Variants in SLC2A9 observed in about 807,000 individuals in gnomAD.
SLC2A9 encodes solute carrier family 2, facilitated glucose transporter member 9.
Under a neutral mutation model 50.6 loss-of-function variants are expected in SLC2A9, and 39 were observed. That is an observed-to-expected ratio of 0.77 (90% confidence interval 0.60 to 1.01). SLC2A9 has a LOEUF of 1.01. Ranked by LOEUF, SLC2A9 falls within the 50% of genes least tolerant of loss-of-function variation. The pLI is 0.00. For missense variants in SLC2A9, 686 were observed against 677.6 expected, an observed-to-expected ratio of 1.01 and a Z score of -0.14; for synonymous variants, 324 against 276.9, an observed-to-expected ratio of 1.17 and a Z score of -1.69.
In SLC2A9 at chr4:9,771,217, G is replaced by C. The variant is rs140082110; in HGVS notation, n.334C>G. 1.8e-3 allele frequency: 623 copies of C among 348,740 alleles called. 11 individuals carry two copies. In the East Asian group the frequency reaches 0.026, roughly 14 times the overall value. The allele number at this position is 348,740 out of a possible 1,614,324, so 21.6% of individuals were successfully genotyped here. A position where few individuals can be genotyped will look rare whatever the true frequency, so the allele number is the denominator to read the frequency against. ...CAACTTAATGCTAGGCTAAGCTGCA[G>C]TGAGTAATAATCCCTAACCTCAGTG... On this transcript the variant is annotated non_coding_transcript_exon_variant, in exon 2 of 2. Coordinates refer to the SLC2A9 transcript ENST00000508585.
upstream of SLC2A9, chr4:10,025,595 G>T: frequency 2.8e-6 from 1 of 356,122 alleles, no homozygotes; most frequent in Non-Finnish European, 5.2e-6. Flanking sequence ...CTTTAACGAT[G>T]ATGACATAAT....
intron 10 of SLC2A9, among the ~76,000 whole-genome samples, chr4:9,859,870 C>A (rs1445874545): frequency 1.3e-5 from 2 of 152,196 alleles, no homozygotes; most frequent in Non-Finnish European, 2.9e-5. Flanking sequence ...TATCTTTCCC[C>A]AGTTGGCTGT....
chr4:9,799,075 G>A (rs1431705877), downstream of SLC2A9: 1 of 152,176 alleles, frequency 6.6e-6, no homozygotes, highest in East Asian at 1.9e-4. Flanking sequence ...CTCTCAGCAT[G>A]ACTCAGTTTG....
intron 10 of SLC2A9, among the ~76,000 whole-genome samples, chr4:9,848,126 T>A (rs1729267936): frequency 6.6e-6 from 1 of 152,192 alleles, no homozygotes; most frequent in Admixed American, 6.5e-5. Context: ...TCCCTAGGAA[T>A]TCCTGGTGCC....
At chr4:9,918,465 GAC>G (rs1453464748) in intron 7 of SLC2A9, among the ~76,000 whole-genome samples, 1 of 152,176 alleles carries the variant, frequency 6.6e-6, no homozygotes, top group Non-Finnish European at 1.5e-5. Flanking sequence ...ATGGCCTGGG[GAC>G]ACAGCCTGAG....
At chr4:9,959,103 A>C (rs1751807142) in intron 5 of SLC2A9, among the ~76,000 whole-genome samples, 1 of 152,034 alleles carries the variant, frequency 6.6e-6, no homozygotes. Flanking sequence ...ATGGTGCTGG[A>C]AGAATGCTAA....
chr4:10,008,918 C>CTAATGGGAGTT, intron 2 of SLC2A9, among the ~76,000 whole-genome samples: 1 of 130,882 alleles, frequency 7.6e-6, no homozygotes, highest in Admixed American at 7.8e-5. Context: ...TTTTTTTTTT[C>CTAATGGGAGTT]CTAATGGAAG....
intron 10 of SLC2A9, among the ~76,000 whole-genome samples, chr4:9,848,156 C>G (rs1729272548): frequency 6.6e-6 from 1 of 152,172 alleles, no homozygotes; most frequent in South Asian, 2.1e-4. Context: ...TTAGACTGTT[C>G]CCACTGCTGG....
chr4:9,877,772 CTCTT>C (rs1268371066), intron 10 of SLC2A9, among the ~76,000 whole-genome samples: 8 of 152,164 alleles, frequency 5.3e-5, no homozygotes, highest in Non-Finnish European at 5.9e-5. Context: ...GTGGCTTTGA[CTCTT>C]TATGTTATCT....
chr4:9,782,158 C>A, intron 3 of SLC2A9: 1 of 1,585,528 alleles, frequency 6.3e-7, no homozygotes, highest in Non-Finnish European at 8.6e-7. Flanking sequence ...AGGTGGTCAC[C>A]GCCTGCCTGC....
chr4:9,882,178 T>C (rs1735325163), intron 10 of SLC2A9, among the ~76,000 whole-genome samples: 2 of 152,168 alleles, frequency 1.3e-5, no homozygotes, highest in African/African-American at 4.8e-5. Context: ...TCTTTCCACA[T>C]AGACACAAAC....
At chr4:9,947,615 G>C (rs1749429810) in intron 5 of SLC2A9, among the ~76,000 whole-genome samples, 1 of 152,206 alleles carries the variant, frequency 6.6e-6, no homozygotes, top group Non-Finnish European at 1.5e-5. Flanking sequence ...CCTAGAGCTA[G>C]TAAACAACCT....
At chr4:9,811,226 G>A (rs1722850906) in intron 3 of SLC2A9, among the ~76,000 whole-genome samples, 1 of 152,204 alleles carries the variant, frequency 6.6e-6, no homozygotes. Context: ...AGTTTGCAAA[G>A]CTGGCCGTAG....
At chr4:10,037,843 C>A (rs1427088503) in intron 1 of SLC2A9, among the ~76,000 whole-genome samples, 1 of 152,000 alleles carries the variant, frequency 6.6e-6, no homozygotes, top group Non-Finnish European at 1.5e-5. Context: ...CTCAGCTACT[C>A]GGGAGGCTGA....
intron 5 of SLC2A9, among the ~76,000 whole-genome samples, chr4:9,950,482 A>C (rs1394040582): frequency 6.6e-6 from 1 of 152,192 alleles, no homozygotes; most frequent in Non-Finnish European, 1.5e-5. Flanking sequence ...TTGGTTCTCA[A>C]GCAATCTTAT....
chr4:9,792,370 T>C (rs1577295407), intron 3 of SLC2A9, among the ~76,000 whole-genome samples: 1 of 151,132 alleles, frequency 6.6e-6, no homozygotes, highest in Non-Finnish European at 1.5e-5. Context: ...TAATTTTTAT[T>C]AGAGACAAGA....
intron 1 of SLC2A9, among the ~76,000 whole-genome samples, chr4:10,037,148 T>C (rs923258993): frequency 1.3e-5 from 2 of 152,138 alleles, no homozygotes; most frequent in African/African-American, 4.8e-5. Flanking sequence ...ATTTTAAGAG[T>C]ACAATTTAAC....
intron 5 of SLC2A9, among the ~76,000 whole-genome samples, chr4:9,978,343 G>T (rs1010130722): frequency 1.2e-4 from 18 of 152,080 alleles, no homozygotes; most frequent in Non-Finnish European, 2.6e-4. Context: ...CAGACCTTAC[G>T]GACTCAAGCA....
At chr4:9,858,693 G>A (rs1028830083) in intron 10 of SLC2A9, among the ~76,000 whole-genome samples, 18 of 152,210 alleles carry the variant, frequency 1.2e-4, no homozygotes, top group African/African-American at 3.9e-4. Context: ...GTAAGGCAGA[G>A]GCAGAGGTGG....
Sources: allele counts gnomAD v4.1 joint callset (sites outside exome capture counted in the v4.1 genomes callset), GRCh38; gene constraint gnomAD v4.1.1; transcripts MANE v1.5; gene names NCBI Gene and HGNC (gene_info 2026-07-23, HGNC 2026-07-21).